The following ZNF521 variants were observed in gnomAD, a reference collection of about 807,000 sequenced individuals.
ZNF521 encodes the protein zinc finger protein 521, also known as LYST-interacting protein 3.
A neutral mutation model predicts 105.5 loss-of-function variants in ZNF521; 14 were observed. The observed-to-expected ratio is 0.13, with a 90% CI of 0.09 to 0.21. The LOEUF is 0.21. Among genes scored for constraint, ZNF521 ranks in the 10% least tolerant of loss-of-function variants. The probability of loss-of-function intolerance (pLI) is 1.00; values close to 1 mark genes in which losing one functional copy is unlikely to be tolerated. For synonymous variants in ZNF521, 635 were observed against 606.0 expected (o/e 1.05, Z -0.70); for missense variants, 1,233 against 1,629.7 (o/e 0.76, Z 4.19).
intron 7 of ZNF521, among the ~76,000 whole-genome samples, chr18:25,083,134 T>C (rs1366051105): frequency 6.6e-6 from 1 of 152,164 alleles, no homozygotes; most frequent in African/African-American, 2.4e-5. Flanking sequence ...CGTAATTGGA[T>C]GAAAGACAGG....
intron 5 of ZNF521, among the ~76,000 whole-genome samples, chr18:25,177,147 T>A (rs2144578884): frequency 6.6e-6 from 1 of 152,336 alleles, no homozygotes; most frequent in Admixed American, 6.5e-5. Context: ...ACTTTAAACT[T>A]ACCCTATTTT....
intron 5 of ZNF521, among the ~76,000 whole-genome samples, chr18:25,184,850 G>A (rs947093183): frequency 6.6e-6 from 1 of 152,118 alleles, no homozygotes; most frequent in African/African-American, 2.4e-5. Flanking sequence ...GAGTAATAGT[G>A]CCCCTAAATA....
chr18:25,327,392 A>G, intron 2 of ZNF521: 1 of 1,123,370 alleles, frequency 8.9e-7, no homozygotes, highest in Non-Finnish European at 1.1e-6. Flanking sequence ...TTTAAAGTTC[A>G]TATGTGTACT....
intron 4 of ZNF521, among the ~76,000 whole-genome samples, chr18:25,212,310 G>A (rs2036194072): frequency 1.3e-5 from 2 of 151,134 alleles, no homozygotes; most frequent in South Asian, 4.2e-4. Context: ...AGCAGTTCGA[G>A]ACCAGCCTGG....
chr18:25,105,343 T>C (rs2034050417), intron 5 of ZNF521, among the ~76,000 whole-genome samples: 1 of 152,190 alleles, frequency 6.6e-6, no homozygotes, highest in African/African-American at 2.4e-5. Context: ...TAGGTCTAAA[T>C]ATGATCTCAT....
intron 3 of ZNF521, among the ~76,000 whole-genome samples, chr18:25,295,300 T>C (rs1911265039): frequency 6.6e-6 from 1 of 152,206 alleles, no homozygotes; most frequent in African/African-American, 2.4e-5. Context: ...CAATTCGACA[T>C]TTGCAGGGGT....
chr18:25,351,927 C>CAGGAGG (rs993170668), intron 1 of ZNF521, 78 bp downstream of exon 1: 10 of 280,960 alleles, frequency 3.6e-5, no homozygotes, highest in South Asian at 1.2e-4. Context: ...GCGGCGAGAG[C>CAGGAGG]AGGAGGAGGA....
At chr18:25,177,248 A>T (rs982837697) in intron 5 of ZNF521, among the ~76,000 whole-genome samples, 1 of 152,188 alleles carries the variant, frequency 6.6e-6, no homozygotes, top group Non-Finnish European at 1.5e-5. Flanking sequence ...AACTGAAGAG[A>T]TCAAGCCTTT....
intron 7 of ZNF521, among the ~76,000 whole-genome samples, chr18:25,076,482 C>T (rs955182113): frequency 5.3e-5 from 8 of 152,166 alleles, no homozygotes; most frequent in Admixed American, 2.6e-4. Context: ...TGAATTATCT[C>T]TTATCCCTAT....
At chr18:25,195,012 A>AATTATAACCTAATAAC in intron 5 of ZNF521, 148 bp downstream of exon 5, 1 of 625,484 alleles carries the variant, frequency 1.6e-6, no homozygotes, top group East Asian at 3.1e-5. Context: ...CCTTATCAGG[A>AATTATAACCTAATAAC]CTAATAACAG....
intron 2 of ZNF521, among the ~76,000 whole-genome samples, chr18:25,336,394 T>A (rs562190227): frequency 6.6e-6 from 1 of 152,218 alleles, no homozygotes; most frequent in Non-Finnish European, 1.5e-5. Flanking sequence ...GATATGTGAA[T>A]TATTTGTCTC....
chr18:25,251,220 G>C (rs374632177), intron 3 of ZNF521, among the ~76,000 whole-genome samples: 1 of 152,164 alleles, frequency 6.6e-6, no homozygotes, highest in Non-Finnish European at 1.5e-5. Context: ...AACAGCATTC[G>C]ATGGAACTGG....
chr18:25,261,024 G>A (rs893239222), intron 3 of ZNF521, among the ~76,000 whole-genome samples: 2 of 152,120 alleles, frequency 1.3e-5, no homozygotes, highest in African/African-American at 4.8e-5. Flanking sequence ...CTCTGCTTTT[G>A]CCTGTCACTT....
intron 3 of ZNF521, among the ~76,000 whole-genome samples, chr18:25,272,817 G>T (rs1024417874): frequency 6.6e-6 from 1 of 152,134 alleles, no homozygotes; most frequent in South Asian, 2.1e-4. Flanking sequence ...TGTAGATGAC[G>T]GGTTGATAGG....
At chr18:25,199,855 AGTTTTT>A (rs2035962306) in intron 4 of ZNF521, among the ~76,000 whole-genome samples, 1 of 152,058 alleles carries the variant, frequency 6.6e-6, no homozygotes, top group African/African-American at 2.4e-5. Context: ...TTGTTTGTGA[AGTTTTT>A]GTTTTTGTTT....
intron 3 of ZNF521, among the ~76,000 whole-genome samples, chr18:25,297,720 C>T (rs1318361614): frequency 6.6e-6 from 1 of 152,040 alleles, no homozygotes; most frequent in Non-Finnish European, 1.5e-5. Context: ...AGGGAAAGTG[C>T]AAATAGAAAG....
intron 3 of ZNF521, among the ~76,000 whole-genome samples, chr18:25,229,532 A>G (rs2144750261): frequency 7.5e-6 from 1 of 133,310 alleles, no homozygotes; most frequent in East Asian, 2.3e-4. Flanking sequence ...TCACCACTCA[A>G]CATACAAAAA....
chr18:25,163,595 T>C (rs962984949), intron 5 of ZNF521, among the ~76,000 whole-genome samples: 7 of 152,166 alleles, frequency 4.6e-5, no homozygotes, highest in Non-Finnish European at 1.0e-4. Flanking sequence ...TAAGACACAA[T>C]GCAATTGGAA....
At chr18:25,208,196 T>C (rs1444068545) in intron 4 of ZNF521, among the ~76,000 whole-genome samples, 1 of 152,228 alleles carries the variant, frequency 6.6e-6, no homozygotes, top group Non-Finnish European at 1.5e-5. Context: ...TAGGAATCAC[T>C]ATTTGAAGAT....
Sources: allele counts gnomAD v4.1 joint callset (sites outside exome capture counted in the v4.1 genomes callset), GRCh38; gene constraint gnomAD v4.1.1; transcripts MANE v1.5; gene names NCBI Gene and HGNC (gene_info 2026-07-23, HGNC 2026-07-21).